Variants in ACAD9 observed in about 807,000 individuals in gnomAD.
The protein encoded by ACAD9 is acyl-CoA dehydrogenase family member 9.
ACAD9 carries 53 observed loss-of-function variants against 70.2 expected under a neutral mutation model. That is an observed-to-expected ratio of 0.75 (90% CI 0.61 to 0.95). The LOEUF (loss-of-function observed/expected upper bound fraction) is 0.95, where lower values mean the gene tolerates loss of function less well. ACAD9 is among the 40% of genes least tolerant of loss of function. The probability of loss-of-function intolerance (pLI) is 0.00; values close to 1 mark genes in which losing one functional copy is unlikely to be tolerated. For synonymous variants in ACAD9, 313 were observed against 312.1 expected (o/e 1.00, Z -0.03); for missense variants, 777 against 802.8 (o/e 0.97, Z 0.39).
At chr3:128,909,809 T>A in intron 15 of ACAD9, 1 of 709,692 alleles carries the variant, frequency 1.4e-6, no homozygotes, top group South Asian at 1.8e-5. Context: ...TGGTCTTGCC[T>A]TAACCCCTCC....
chr3:128,903,777 G>A (rs1234420950), intron 9 of ACAD9, among the ~76,000 whole-genome samples: 1 of 152,198 alleles, frequency 6.6e-6, no homozygotes, highest in Admixed American at 6.5e-5. Context: ...TGGTGTTCAG[G>A]GAGGTGTCGC....
intron 2 of ACAD9, among the ~76,000 whole-genome samples, chr3:128,886,174 C>T (rs1935239687): frequency 6.6e-6 from 1 of 151,424 alleles, no homozygotes; most frequent in South Asian, 2.1e-4. Context: ...GCAATCTCGA[C>T]TCACTGCAAC....
At chr3:128,909,800 G>A (rs916061933) in intron 15 of ACAD9, 5 of 665,404 alleles carry the variant, frequency 7.5e-6, no homozygotes, top group Admixed American at 2.6e-5. Context: ...TCTGGGACCT[G>A]GTCTTGCCTT....
intron 3 of ACAD9, among the ~76,000 whole-genome samples, chr3:128,895,067 G>C (rs1935531437): frequency 6.6e-6 from 1 of 151,572 alleles, no homozygotes; most frequent in Non-Finnish European, 1.5e-5. Flanking sequence ...AGTAGAGACG[G>C]GGTTTTGCCA....
intron 17 of ACAD9, among the ~76,000 whole-genome samples, 165 bp from the exon 18 acceptor site, chr3:128,912,342 C>T (rs1321577691): frequency 6.6e-6 from 1 of 152,158 alleles, no homozygotes; most frequent in Non-Finnish European, 1.5e-5. Context: ...CCCTTTCTCT[C>T]CCTGCAGCCC....
rs371666375 is a variant in ACAD9, at chr3:128,910,131, C to T, written c.1674C>T (p.Leu558=). 1.2e-6 allele frequency: 2 copies of T among 1,613,956 alleles called. No homozygotes were observed. Among genetic ancestry groups the T allele is most frequent in the African/African-American group, 1.3e-5 (1 of 74,948 alleles). ...CCAGCCGCTCCATCCGCATTGGGCT[C>T]CGCAACCACGACCACGAGGTGAGCC... ...SRASRSIRIG[L]RNHDHEVLLA... The change falls in exon 16 of 18, where the codon CTC becomes CTT. Residue 558 remains leucine, a synonymous_variant. Coordinates refer to ENST00000308982, the MANE Select transcript of ACAD9 (RefSeq NM_014049.5).
chr3:128,890,746 A>T (rs1436506267), intron 2 of ACAD9, among the ~76,000 whole-genome samples: 2 of 152,190 alleles, frequency 1.3e-5, no homozygotes, highest in East Asian at 1.9e-4. Flanking sequence ...ACTATGATTC[A>T]TTACAAGTTA....
intron 6 of ACAD9, among the ~76,000 whole-genome samples, chr3:128,899,060 C>T (rs976462750): frequency 3.9e-5 from 6 of 152,158 alleles, no homozygotes; most frequent in East Asian, 3.8e-4. Flanking sequence ...CCCCCGCCCC[C>T]GCCTCCACCT....
chr3:128,889,162 T>A (rs1224519927), intron 2 of ACAD9, among the ~76,000 whole-genome samples: 2 of 150,018 alleles, frequency 1.3e-5, no homozygotes, highest in Non-Finnish European at 3.0e-5. Flanking sequence ...TGTTTTGTTT[T>A]CCTTAAAAAA....
rs772024768 is a variant in ACAD9, at chr3:128,912,502, C to CA, written c.1766-5_1766-4insA. The CA allele has an allele frequency of 3.1e-6, 5 of 1,612,886 alleles. No individual in the cohort carries two copies. The highest frequency in any genetic ancestry group is 4.2e-6 in the Non-Finnish European group (5 of 1,178,960). ...TCACCCACCATCTCTCCTTTTCCTT[C>CA]CCAGATGCTCCAGAAAACCTAGATG... On this transcript the variant is annotated splice_region_variant and splice_polypyrimidine_tract_variant and intron_variant, in intron 17 of 17. Coordinates refer to ENST00000308982, the MANE Select transcript of ACAD9 (RefSeq NM_014049.5).
chr3:128,909,489 T>C (rs1936047058), intron 15 of ACAD9, 68 bp downstream of exon 15: 1 of 1,492,382 alleles, frequency 6.7e-7, no homozygotes, highest in African/African-American at 1.4e-5. Context: ...ATGAGACTAC[T>C]TTTTGTCAAG....
chr3:128,897,713 A>G lies in ACAD9; in HGVS notation c.633+3A>G, dbSNP rs1320011579. 43 of 1,612,822 alleles carry G rather than the reference A, an allele frequency of 2.7e-5. No homozygotes were observed. The highest frequency in any genetic ancestry group is 3.2e-5 in the Non-Finnish European group (38 of 1,179,442). ...ACTACATCCTCAATGGCTCCAAGGT[A>G]GGGTTCCTTCCCCATGGCCACATTA... On this transcript the variant is annotated splice_donor_region_variant and intron_variant, in intron 6 of 17. Coordinates refer to ENST00000308982, the MANE Select transcript of ACAD9 (RefSeq NM_014049.5).
At position 128,879,851 on chromosome 3, in the gene ACAD9, G is replaced by A. The variant is rs772726904; in HGVS notation, c.150+10G>A. 2 of 1,613,962 alleles carry A rather than the reference G, an allele frequency of 1.2e-6. No homozygotes were observed. Among genetic ancestry groups the A allele is most frequent in the Admixed American group, 3.3e-5 (2 of 60,036 alleles). On this transcript the variant is annotated intron_variant, in intron 1 of 17. Transcript: ENST00000308982. ...AGGCAAAATCAAGAAGGTAACGCGA[G>A]CCCTGGGCGAACCCTTGCTGTCTGG... is the stretch of plus-strand genomic sequence containing the variant.
At position 128,895,399 on chromosome 3, in the gene ACAD9, C is replaced by A. The variant is rs1330993506; in HGVS notation, c.436C>A (p.Gln146Lys). ...CATCACTGTGACCCTGGCAGCGCAC[C>A]AGGCTATTGGCCTCAAGGTCAGGTA... ...GSITVTLAAHQAIGLKGIILA... is the reference protein window; with the variant it reads ...GSITVTLAAHKAIGLKGIILA... Residue 146 changes from glutamine (Q) to lysine (K), a missense_variant, in exon 4 of 18, where the codon CAG becomes AAG. Physicochemically the swap from Gln to Lys is moderately conservative, Grantham distance 53 (BLOSUM62 1). Transcript: ENST00000308982. 1.2e-6 allele frequency: 2 copies of A among 1,609,864 alleles called. No homozygotes were observed. Among genetic ancestry groups the A allele is most frequent in the Admixed American group, 1.7e-5 (1 of 59,496 alleles).
intron 2 of ACAD9, among the ~76,000 whole-genome samples, chr3:128,887,492 A>G (rs1363783861): frequency 6.6e-6 from 1 of 151,678 alleles, no homozygotes; most frequent in African/African-American, 2.4e-5. Context: ...CCATAGTCCC[A>G]GCTACTTGGG....
chr3:128,909,752 T>C, intron 15 of ACAD9: 1 of 606,532 alleles, frequency 1.6e-6, no homozygotes, highest in Non-Finnish European at 2.9e-6. Context: ...AAGGTGGCAG[T>C]AGCACAGTAA....
chr3:128,910,336 G>A (rs1335712884), intron 16 of ACAD9, 187 bp downstream of exon 16: 2 of 1,474,514 alleles, frequency 1.4e-6, no homozygotes, highest in Non-Finnish European at 9.0e-7. Context: ...CTTCCTGACT[G>A]AGAGAAGAGG....
chr3:128,890,438 C>T (rs1935385694), intron 2 of ACAD9, among the ~76,000 whole-genome samples: 1 of 152,094 alleles, frequency 6.6e-6, no homozygotes, highest in Non-Finnish European at 1.5e-5. Context: ...CGCAGTGGCT[C>T]ATGCCTGTAA....
Position 128,909,332 on chromosome 3 carries a change from C to T in ACAD9, c.1486-12C>T. On this transcript the variant is annotated splice_polypyrimidine_tract_variant and intron_variant, in intron 14 of 17. Coordinates refer to ENST00000308982, the MANE Select transcript of ACAD9 (RefSeq NM_014049.5). The stretch of plus-strand genomic sequence containing the variant: ...GATGAGGTGCTGAACTGAGTCCTGT[C>T]TTGGTTAATAGGACAGTGCCAACAA... 1 of 1,614,084 alleles carries T rather than the reference C, an allele frequency of 6.2e-7. No homozygotes were observed. The highest frequency in any genetic ancestry group is 8.5e-7 in the Non-Finnish European group (1 of 1,179,940).
Sources: allele counts gnomAD v4.1 joint callset (sites outside exome capture counted in the v4.1 genomes callset), GRCh38; gene constraint gnomAD v4.1.1; transcripts MANE v1.5; gene names NCBI Gene and HGNC (gene_info 2026-07-23, HGNC 2026-07-21).